Variants in TEAD1 observed in about 807,000 individuals in gnomAD.
The protein encoded by TEAD1 is transcriptional enhancer factor TEF-1.
In TEAD1, 9 loss-of-function variants were observed where a neutral mutation model predicts 54.9. The ratio of observed to expected loss-of-function variants is 0.16; its 90% CI spans 0.10 to 0.29. The LOEUF (loss-of-function observed/expected upper bound fraction) is 0.29, where lower values mean the gene tolerates loss of function less well. TEAD1 is among the 10% of genes least tolerant of loss of function. The probability of loss-of-function intolerance (pLI) is 1.00; values close to 1 mark genes in which losing one functional copy is unlikely to be tolerated. For synonymous variants in TEAD1, 200 were observed against 187.8 expected (o/e 1.07, Z -0.53); for missense variants, 387 against 535.9 (o/e 0.72, Z 2.74).
intron 12 of TEAD1, 123 bp downstream of exon 12, chr11:12,930,449 G>A: frequency 1.7e-6 from 2 of 1,178,864 alleles, no homozygotes; most frequent in Non-Finnish European, 1.3e-6. Context: ...GTTGGATTGG[G>A]TTCCTAGTGG....
intron 2 of TEAD1, among the ~76,000 whole-genome samples, chr11:12,748,122 C>T (rs1431765288): frequency 3.3e-5 from 5 of 152,138 alleles, no homozygotes; most frequent in East Asian, 1.9e-4. Context: ...TCACCACGCC[C>T]GGCTAATTTT....
intron 3 of TEAD1, among the ~76,000 whole-genome samples, chr11:12,800,047 A>G (rs921150126): frequency 6.6e-6 from 1 of 152,198 alleles, no homozygotes; most frequent in Admixed American, 6.5e-5. Flanking sequence ...CATAATGGTA[A>G]TAATTAAATA....
At chr11:12,786,206 CT>C (rs1945673759) in intron 3 of TEAD1, among the ~76,000 whole-genome samples, 1 of 152,186 alleles carries the variant, frequency 6.6e-6, no homozygotes, top group Non-Finnish European at 1.5e-5. Flanking sequence ...AGAAGGTGTT[CT>C]TTATTTGAGA....
intron 3 of TEAD1, among the ~76,000 whole-genome samples, chr11:12,843,278 CT>C (rs1475168292): frequency 6.6e-6 from 1 of 152,166 alleles, no homozygotes; most frequent in East Asian, 1.9e-4. Context: ...TATAGATCCC[CT>C]CAGATTGGAA....
chr11:12,910,355 A>G (rs1948595379), intron 10 of TEAD1, among the ~76,000 whole-genome samples: 1 of 152,204 alleles, frequency 6.6e-6, no homozygotes, highest in Non-Finnish European at 1.5e-5. Flanking sequence ...CTGTCCTAAT[A>G]ATGTTCAAGG....
chr11:12,936,975 G>A, intron 12 of TEAD1, 134 bp from the exon 13 acceptor site: 1 of 656,628 alleles, frequency 1.5e-6, no homozygotes, highest in Non-Finnish European at 2.8e-6. Context: ...TGTGTTAGAG[G>A]ACACAGAGTG....
At chr11:12,819,397 T>G (rs1013317721) in intron 3 of TEAD1, among the ~76,000 whole-genome samples, 4 of 151,948 alleles carry the variant, frequency 2.6e-5, no homozygotes, top group African/African-American at 9.7e-5. Flanking sequence ...AACAGTCCAT[T>G]TATGCCTTAT....
chr11:12,776,243 C>A (rs1231886499), intron 3 of TEAD1, among the ~76,000 whole-genome samples: 4 of 152,186 alleles, frequency 2.6e-5, no homozygotes, highest in Non-Finnish European at 5.9e-5. Context: ...ATAATTCCAA[C>A]ATTCATGTAT....
intron 2 of TEAD1, among the ~76,000 whole-genome samples, chr11:12,736,518 A>G (rs1315459326): frequency 1.3e-5 from 2 of 152,204 alleles, no homozygotes; most frequent in South Asian, 2.1e-4. Context: ...TTGAAGATGC[A>G]ATTTATTAGT....
intron 2 of TEAD1, among the ~76,000 whole-genome samples, chr11:12,728,009 G>A (rs1173341421): frequency 6.6e-6 from 1 of 152,038 alleles, no homozygotes; most frequent in African/African-American, 2.4e-5. Context: ...GGGTGTGTCA[G>A]GCATCTGCTG....
chr11:12,891,729 T>C (rs1267726479), intron 9 of TEAD1, among the ~76,000 whole-genome samples: 1 of 152,238 alleles, frequency 6.6e-6, no homozygotes, highest in Non-Finnish European at 1.5e-5. Context: ...GGTTGACTAT[T>C]TGAACTTTGT....
chr11:12,867,015 C>T (rs1947632810), intron 5 of TEAD1, among the ~76,000 whole-genome samples: 1 of 152,116 alleles, frequency 6.6e-6, no homozygotes, highest in Non-Finnish European at 1.5e-5. Flanking sequence ...GGAAAGGCAG[C>T]CTAATGCGTG....
chr11:12,764,579 C>G (rs541083731), intron 3 of TEAD1, 145 bp downstream of exon 3: 1 of 956,092 alleles, frequency 1.0e-6, no homozygotes, highest in African/African-American at 1.6e-5. Flanking sequence ...CCAAAGGACT[C>G]ACCCTAAACT....
In TEAD1 at chr11:12,913,515, T is replaced by C. The variant is rs190788130; in HGVS notation, c.874-11397T>C. Among the ~76,000 whole-genome samples, 31 of 152,318 alleles carry C rather than the reference T, an allele frequency of 2.0e-4. 1 individual carries two copies. The East Asian group carries it at 3.9e-3, about 19-fold the overall frequency. ...GCTCCAAGTGTTTCCTGCAACTTCA[T>C]TTTCCCTACCTAAAGTGTCTTGGAC... On this transcript the variant is annotated intron_variant, in intron 10 of 12. Transcript: ENST00000527636.
Position 12,745,020 on chromosome 11 carries a change from C to A in TEAD1, c.-54-19159C>A, listed in dbSNP as rs543621796. Among the ~76,000 whole-genome samples the A allele has an allele frequency of 2.0e-5, 3 of 152,180 alleles. No individual in the cohort carries two copies. The South Asian group carries it at 6.2e-4, about 32-fold the overall frequency. On this transcript the variant is annotated intron_variant, in intron 2 of 12. Transcript: ENST00000527636. ...AGGTTACCTGTGGCTCTCCAGGGCTCGGCTAATTTTAAACCTGGTCAGGGA... is the reference window on the plus strand; with the variant it reads ...AGGTTACCTGTGGCTCTCCAGGGCTAGGCTAATTTTAAACCTGGTCAGGGA...
At chr11:12,745,712 C>A (rs1289556540) in intron 2 of TEAD1, among the ~76,000 whole-genome samples, 1 of 149,510 alleles carries the variant, frequency 6.7e-6, no homozygotes, top group Non-Finnish European at 1.5e-5. Context: ...AATAAGGTGA[C>A]AATTGAGAAC....
intron 3 of TEAD1, among the ~76,000 whole-genome samples, chr11:12,830,169 T>C (rs888212861): frequency 1.3e-5 from 2 of 151,726 alleles, no homozygotes; most frequent in African/African-American, 4.9e-5. Flanking sequence ...CATGAGGTGA[T>C]TGAGGTTTCA....
intron 2 of TEAD1, among the ~76,000 whole-genome samples, chr11:12,694,641 C>T (rs879638800): frequency 2.6e-5 from 4 of 152,164 alleles, no homozygotes; most frequent in African/African-American, 4.8e-5. Context: ...TTGGGACTCA[C>T]TGTTGCTTTG....
At chr11:12,685,715 A>G (rs910281195) in intron 2 of TEAD1, among the ~76,000 whole-genome samples, 6 of 152,200 alleles carry the variant, frequency 3.9e-5, no homozygotes, top group Non-Finnish European at 8.8e-5. Flanking sequence ...CTAATGATAA[A>G]TGTTTACCAT....
Sources: gnomAD v4.1 joint callset for allele counts (sites outside exome capture counted in the v4.1 genomes callset) on GRCh38, gnomAD v4.1.1 for gene constraint, MANE v1.5 for transcripts, NCBI Gene and HGNC (gene_info 2026-07-23, HGNC 2026-07-21) for gene names.